The following PLXDC2 variants were observed in gnomAD, a reference collection of about 807,000 sequenced individuals.
PLXDC2 encodes plexin domain containing 2.
In PLXDC2, 40 loss-of-function variants were observed where a neutral mutation model predicts 68.9. That is an observed-to-expected ratio of 0.58 (90% CI 0.45 to 0.76). PLXDC2 has a LOEUF of 0.76. Among genes scored for constraint, PLXDC2 ranks in the 30% least tolerant of loss-of-function variants. The probability of loss-of-function intolerance (pLI) is 0.00; values close to 1 mark genes in which losing one functional copy is unlikely to be tolerated. For synonymous variants in PLXDC2, 243 were observed against 234.2 expected (o/e 1.04, Z -0.34); for missense variants, 644 against 661.9 (o/e 0.97, Z 0.30).
intron 9 of PLXDC2, among the ~76,000 whole-genome samples, chr10:20,206,866 A>C (rs7088254): frequency 0.3 from 44,222 of 148,284 alleles, 7,189 homozygotes; most frequent in East Asian, 0.49. Context: ...ACACACACAC[A>C]CACACACAGA....
At chr10:20,242,855 G>T (rs948307175) in intron 12 of PLXDC2, among the ~76,000 whole-genome samples, 1 of 152,026 alleles carries the variant, frequency 6.6e-6, no homozygotes, top group Non-Finnish European at 1.5e-5. Context: ...GATTATAGGC[G>T]CCCGCCACCA....
chr10:20,174,987 G>T (rs1015867474), intron 7 of PLXDC2, among the ~76,000 whole-genome samples: 12 of 152,036 alleles, frequency 7.9e-5, no homozygotes, highest in Non-Finnish European at 8.8e-5. Context: ...TGGGTGTAAT[G>T]ATTTCAATAT....
intron 4 of PLXDC2, among the ~76,000 whole-genome samples, chr10:20,117,412 C>A (rs772725495): frequency 7.9e-5 from 12 of 152,038 alleles, no homozygotes; most frequent in Admixed American, 3.9e-4. Context: ...TTTGTGTGTG[C>A]ATGCGTGTGT....
At chr10:19,820,030 A>T (rs529800094) in intron 1 of PLXDC2, among the ~76,000 whole-genome samples, 40 of 152,304 alleles carry the variant, frequency 2.6e-4, no homozygotes, top group African/African-American at 9.1e-4. Flanking sequence ...ATGAAATATG[A>T]GTTTCTTTTT....
intron 1 of PLXDC2, among the ~76,000 whole-genome samples, chr10:19,872,639 G>A (rs192736309): frequency 3.2e-4 from 48 of 152,284 alleles, no homozygotes; most frequent in Middle Eastern, 3.4e-3. Flanking sequence ...TGTTCCAGAG[G>A]GAGAGGGGTG....
intron 13 of PLXDC2, among the ~76,000 whole-genome samples, chr10:20,270,692 C>T (rs969009260): frequency 6.6e-6 from 1 of 151,984 alleles, no homozygotes; most frequent in Admixed American, 6.6e-5. Flanking sequence ...TTACAGGCAC[C>T]TGCCACCACA....
intron 12 of PLXDC2, among the ~76,000 whole-genome samples, chr10:20,226,756 C>T (rs1835292749): frequency 1.3e-5 from 2 of 152,158 alleles, no homozygotes; most frequent in Non-Finnish European, 2.9e-5. Context: ...TCTAAATGCA[C>T]TTTCCATTTG....
At chr10:20,159,721 T>C (rs1834266011) in intron 6 of PLXDC2, among the ~76,000 whole-genome samples, 1 of 152,190 alleles carries the variant, frequency 6.6e-6, no homozygotes, top group Non-Finnish European at 1.5e-5. Flanking sequence ...TTTGACACAC[T>C]TGTTTACTAC....
chr10:20,248,533 A>G (rs1389026155), intron 13 of PLXDC2, among the ~76,000 whole-genome samples: 1 of 152,208 alleles, frequency 6.6e-6, no homozygotes, highest in Non-Finnish European at 1.5e-5. Flanking sequence ...CAGGTCTCCC[A>G]GCTTTTCTCC....
chr10:20,183,837 A>T (rs778044883), intron 9 of PLXDC2, among the ~76,000 whole-genome samples: 4 of 151,984 alleles, frequency 2.6e-5, no homozygotes, highest in Non-Finnish European at 4.4e-5. Flanking sequence ...GAGAGAAGTA[A>T]ATTGGAGCAT....
At chr10:20,012,843 C>G (rs534266503) in intron 2 of PLXDC2, among the ~76,000 whole-genome samples, 2 of 152,088 alleles carry the variant, frequency 1.3e-5, no homozygotes, top group African/African-American at 4.8e-5. Flanking sequence ...TGTTCATGCC[C>G]GAGCAATGCA....
At chr10:20,250,456 A>G (rs1249869044) in intron 13 of PLXDC2, among the ~76,000 whole-genome samples, 1 of 152,176 alleles carries the variant, frequency 6.6e-6, no homozygotes, top group Non-Finnish European at 1.5e-5. Flanking sequence ...AAAGTGATTG[A>G]CACTTATTAC....
intron 9 of PLXDC2, among the ~76,000 whole-genome samples, chr10:20,181,866 C>G (rs1030300674): frequency 5.3e-5 from 8 of 152,008 alleles, no homozygotes; most frequent in Admixed American, 3.9e-4. Flanking sequence ...AAAAATGGAA[C>G]TTTGGCTGCT....
intron 1 of PLXDC2, among the ~76,000 whole-genome samples, chr10:19,892,513 G>T (rs1035709013): frequency 1.3e-5 from 2 of 152,274 alleles, no homozygotes. Flanking sequence ...GTAAAGTTAC[G>T]ACTAGGACTC....
intron 1 of PLXDC2, among the ~76,000 whole-genome samples, chr10:19,902,053 A>G (rs930846600): frequency 1.3e-5 from 2 of 152,138 alleles, no homozygotes; most frequent in African/African-American, 4.8e-5. Flanking sequence ...CACCAGTACC[A>G]TGCTGTTTGG....
intron 1 of PLXDC2, among the ~76,000 whole-genome samples, chr10:19,960,121 G>C (rs1489424969): frequency 2.0e-5 from 3 of 151,464 alleles, no homozygotes; most frequent in Admixed American, 1.3e-4. Context: ...GCTTTGGGGG[G>C]CTGAGGTAGA....
chr10:19,824,140 C>T (rs1836530432), intron 1 of PLXDC2, among the ~76,000 whole-genome samples: 1 of 152,192 alleles, frequency 6.6e-6, no homozygotes, highest in South Asian at 2.1e-4. Flanking sequence ...GAGAAAGAGA[C>T]AGAGACAGGG....
chr10:20,039,001 G>T lies in PLXDC2; in HGVS notation c.325-7868G>T, dbSNP rs143318901. 2.0e-5 allele frequency among the ~76,000 whole-genome samples: 3 copies of T among 152,272 alleles called. No individual in the cohort carries two copies. In the East Asian group the frequency reaches 5.8e-4, roughly 29 times the overall value. On this transcript the variant is annotated intron_variant, in intron 2 of 13. Transcript: ENST00000377252. ...TTCTGGCAAAAGAGGGAATCTATGTGCAGGAAAGGCCACACTGAAATGAAC... is the reference window on the plus strand; with the variant it reads ...TTCTGGCAAAAGAGGGAATCTATGTTCAGGAAAGGCCACACTGAAATGAAC...
chr10:20,091,967 G>C (rs1420502834), intron 4 of PLXDC2, among the ~76,000 whole-genome samples: 1 of 152,156 alleles, frequency 6.6e-6, no homozygotes, highest in African/African-American at 2.4e-5. Context: ...TCATAGTAAA[G>C]ACAGTTAATA....
Sources: allele counts gnomAD v4.1 joint callset (sites outside exome capture counted in the v4.1 genomes callset), GRCh38; gene constraint gnomAD v4.1.1; transcripts MANE v1.5; gene names NCBI Gene and HGNC (gene_info 2026-07-23, HGNC 2026-07-21).